The following PDCD10 variants were observed in gnomAD, a reference collection of about 807,000 sequenced individuals.
PDCD10 encodes the protein programmed cell death protein 10.
A neutral mutation model predicts 29.2 loss-of-function variants in PDCD10; 4 were observed. The ratio of observed to expected loss-of-function variants is 0.14; its 90% CI spans 0.07 to 0.31. PDCD10 has a LOEUF of 0.31. Among genes scored for constraint, PDCD10 ranks in the 10% least tolerant of loss-of-function variants. PDCD10 has a pLI of 1.00. For missense variants in PDCD10, 183 were observed against 257.9 expected (o/e 0.71, Z 1.99); for synonymous variants, 70 against 82.2 (o/e 0.85, Z 0.80).
intron 7 of PDCD10, 109 bp from the exon 8 acceptor site, chr3:167,687,425 G>T: frequency 1.3e-6 from 1 of 756,358 alleles, no homozygotes; most frequent in Non-Finnish European, 2.3e-6. Context: ...CACTTTATAT[G>T]AATATTACTA....
At chr3:167,688,017 T>G (rs1240957548) in intron 6 of PDCD10, among the ~76,000 whole-genome samples, 2 of 152,210 alleles carry the variant, frequency 1.3e-5, no homozygotes, top group South Asian at 2.1e-4. Context: ...ACATTACCTA[T>G]GCCTGTCTTT....
At chr3:167,724,499 T>C (rs1391295257) in intron 2 of PDCD10, among the ~76,000 whole-genome samples, 2 of 152,220 alleles carry the variant, frequency 1.3e-5, no homozygotes, top group African/African-American at 4.8e-5. Flanking sequence ...ATCCTGTGTT[T>C]ATGTTCCCAT....
At chr3:167,720,010 C>T in intron 3 of PDCD10, 52 bp downstream of exon 3, 1 of 1,066,536 alleles carries the variant, frequency 9.4e-7, no homozygotes. Flanking sequence ...ATAAATAAAG[C>T]AGGAATTAAA....
intron 6 of PDCD10, among the ~76,000 whole-genome samples, chr3:167,690,112 T>C (rs1267184802): frequency 1.3e-5 from 2 of 152,172 alleles, no homozygotes; most frequent in Non-Finnish European, 1.5e-5. Flanking sequence ...TTGGTGCAGA[T>C]GAATTCTGTG....
At chr3:167,727,122 AGCAGGCTGGGTT>A (rs2108503099) in intron 2 of PDCD10, among the ~76,000 whole-genome samples, 1 of 152,316 alleles carries the variant, frequency 6.6e-6, no homozygotes, top group South Asian at 2.1e-4. Context: ...CAGGCTGGGT[AGCAGGCTGGGTT>A]GCACACTGAA....
intron 2 of PDCD10, among the ~76,000 whole-genome samples, chr3:167,727,605 C>A (rs1169848051): frequency 2.0e-5 from 3 of 152,094 alleles, no homozygotes; most frequent in East Asian, 1.9e-4. Context: ...TTCTCCAATA[C>A]GATGTTAATT....
intron 6 of PDCD10, among the ~76,000 whole-genome samples, chr3:167,694,019 G>A (rs1400947316): frequency 1.3e-5 from 2 of 151,962 alleles, no homozygotes; most frequent in African/African-American, 4.8e-5. Flanking sequence ...TTTATATTAT[G>A]GGATATAAAA....
chr3:167,702,852 T>C (rs536793913), intron 4 of PDCD10, among the ~76,000 whole-genome samples: 86 of 152,310 alleles, frequency 5.6e-4, no homozygotes, highest in African/African-American at 2.0e-3. Flanking sequence ...CTAAATGTGA[T>C]AATTAAAAAT....
At chr3:167,697,486 G>T (rs535655197) in intron 4 of PDCD10, among the ~76,000 whole-genome samples, 2 of 152,058 alleles carry the variant, frequency 1.3e-5, no homozygotes, top group African/African-American at 4.8e-5. Context: ...GAGAATTTAA[G>T]CTTTTTTTAA....
chr3:167,729,979 A>G (rs1724629690), intron 2 of PDCD10, among the ~76,000 whole-genome samples: 1 of 152,130 alleles, frequency 6.6e-6, no homozygotes, highest in African/African-American at 2.4e-5. Flanking sequence ...GCAGAAAATC[A>G]CTTTTGGGTG....
intron 3 of PDCD10, among the ~76,000 whole-genome samples, chr3:167,717,802 A>G (rs1237967864): frequency 6.6e-6 from 1 of 152,082 alleles, no homozygotes; most frequent in Non-Finnish European, 1.5e-5. Flanking sequence ...TGACAGAAAT[A>G]ATTTTTTTAA....
intron 6 of PDCD10, chr3:167,694,688 G>C (rs952116826): frequency 6.5e-6 from 1 of 152,708 alleles, no homozygotes; most frequent in Admixed American, 6.5e-5. Flanking sequence ...GCCATGGCAT[G>C]CTGAGGGCCT....
intron 3 of PDCD10, 83 bp downstream of exon 3, chr3:167,719,979 T>C (rs938112241): frequency 2.6e-5 from 25 of 964,526 alleles, no homozygotes; most frequent in Admixed American, 3.4e-5. Flanking sequence ...GTATTTGTTA[T>C]ACAAAAGAAC....
At chr3:167,719,963 A>G (rs1723410785) in intron 3 of PDCD10, 99 bp downstream of exon 3, 2 of 880,964 alleles carry the variant, frequency 2.3e-6, no homozygotes, top group South Asian at 1.3e-5. Context: ...GAGTTCATTC[A>G]TGCTAGTATT....
At chr3:167,701,320 T>C (rs1418760458) in intron 4 of PDCD10, among the ~76,000 whole-genome samples, 1 of 152,164 alleles carries the variant, frequency 6.6e-6, no homozygotes, top group African/African-American at 2.4e-5. Context: ...GATATATATA[T>C]AGATATCAGA....
chr3:167,733,474 G>A (rs1393408021), intron 2 of PDCD10, among the ~76,000 whole-genome samples: 2 of 152,110 alleles, frequency 1.3e-5, no homozygotes, highest in African/African-American at 2.4e-5. Flanking sequence ...GAAAGTCACA[G>A]TTGATGCTAA....
chr3:167,725,263 G>GAAAAAAAA (rs57762503), intron 2 of PDCD10: 11 of 30,166 alleles, frequency 3.6e-4, no homozygotes, highest in South Asian at 1.9e-3. Context: ...TCTCAAAAAA[G>GAAAAAAAA]AAAAAAAAAA....
intron 4 of PDCD10, chr3:167,698,002 A>G (rs1216129134): frequency 2.2e-6 from 1 of 456,464 alleles, no homozygotes; most frequent in Non-Finnish European, 4.4e-6. Context: ...GCAAAATAGA[A>G]ACACAATTTA....
At chr3:167,696,833 A>G (rs1039050229) in intron 5 of PDCD10, among the ~76,000 whole-genome samples, 176 bp downstream of exon 5, 2 of 152,170 alleles carry the variant, frequency 1.3e-5, no homozygotes, top group African/African-American at 4.8e-5. Flanking sequence ...CCATTTTTCT[A>G]TTTTATCTAC....
Sources: gnomAD v4.1 joint callset for allele counts (sites outside exome capture counted in the v4.1 genomes callset) on GRCh38, gnomAD v4.1.1 for gene constraint, MANE v1.5 for transcripts, NCBI Gene and HGNC (gene_info 2026-07-23, HGNC 2026-07-21) for gene names.